CSMD2: variants seen among roughly 807,000 people sequenced by gnomAD.
CSMD2 encodes CUB and sushi domain-containing protein 2.
A neutral mutation model predicts 398.5 loss-of-function variants in CSMD2; 130 were observed. That is an observed-to-expected ratio of 0.33 (90% CI 0.28 to 0.38). CSMD2 has a LOEUF of 0.38. Among genes scored for constraint, CSMD2 ranks in the 10% least tolerant of loss-of-function variants. The pLI is 1.00. For missense variants in CSMD2, 3,829 were observed against 4,764.9 expected (o/e 0.80, Z 5.78); for synonymous variants, 1,828 against 1,908.5 (o/e 0.96, Z 1.10).
intron 1 of CSMD2, among the ~76,000 whole-genome samples, chr1:34,140,978 C>A (rs1157263751): frequency 6.6e-6 from 1 of 152,118 alleles, no homozygotes; most frequent in African/African-American, 2.4e-5. Context: ...CACACACACA[C>A]AAGGAACACT....
chr1:33,714,321 G>A (rs539893646), intron 21 of CSMD2, among the ~76,000 whole-genome samples: 2 of 152,350 alleles, frequency 1.3e-5, no homozygotes, highest in East Asian at 3.9e-4. Context: ...TCATGTGAGT[G>A]CCCACTGTGG....
At chr1:33,698,683 A>G (rs1364501040) in intron 24 of CSMD2, 70 bp downstream of exon 24, 1 of 1,431,182 alleles carries the variant, frequency 7.0e-7, no homozygotes, top group South Asian at 1.4e-5. Context: ...TCTAACTGGA[A>G]TGAGACCAGG....
At chr1:34,013,494 C>G (rs939349281) in intron 3 of CSMD2, among the ~76,000 whole-genome samples, 6 of 152,184 alleles carry the variant, frequency 3.9e-5, no homozygotes, top group African/African-American at 1.4e-4. Context: ...GAGCTGGGCA[C>G]CTGCTTCAGG....
chr1:34,102,858 G>A (rs1210820082), intron 1 of CSMD2, among the ~76,000 whole-genome samples: 1 of 152,134 alleles, frequency 6.6e-6, no homozygotes, highest in Non-Finnish European at 1.5e-5. Flanking sequence ...CCTGGTGCCT[G>A]CTTTATTTGT....
intron 5 of CSMD2, chr1:33,864,819 A>G: frequency 7.3e-7 from 1 of 1,362,384 alleles, no homozygotes. Flanking sequence ...CATGTGTGGC[A>G]TTAGAGTAGC....
chr1:33,536,956 T>A (rs1655854714), intron 62 of CSMD2, 66 bp downstream of exon 62: 1 of 1,504,516 alleles, frequency 6.6e-7, no homozygotes, highest in Admixed American at 1.7e-5. Flanking sequence ...CTCTGGGTCC[T>A]CTTATGTTGA....
At chr1:34,094,574 A>C (rs369002459) in intron 1 of CSMD2, among the ~76,000 whole-genome samples, 1 of 151,982 alleles carries the variant, frequency 6.6e-6, no homozygotes, top group Non-Finnish European at 1.5e-5. Context: ...ATCTACCAAG[A>C]AAATGGAAAA....
intron 14 of CSMD2, among the ~76,000 whole-genome samples, chr1:33,742,174 G>T (rs1647090271): frequency 6.6e-6 from 1 of 152,236 alleles, no homozygotes; most frequent in Non-Finnish European, 1.5e-5. Flanking sequence ...TGAGAAGGTT[G>T]ATTGTGTCCT....
intron 13 of CSMD2, among the ~76,000 whole-genome samples, chr1:33,760,276 G>T (rs1649655937): frequency 6.6e-6 from 1 of 152,302 alleles, no homozygotes; most frequent in South Asian, 2.1e-4. Context: ...CTTTCCCAAG[G>T]CCAGGCTCTG....
chr1:33,690,929 CA>C (rs1388957813), intron 25 of CSMD2, among the ~76,000 whole-genome samples: 6 of 152,146 alleles, frequency 3.9e-5, no homozygotes, highest in Admixed American at 1.3e-4. Flanking sequence ...ATATATGCAA[CA>C]GGTAATGGAA....
In CSMD2 at chr1:33,822,876, C is replaced by T. The variant is rs545087859; in HGVS notation, c.1112-2320G>A. 9.4e-4 allele frequency among the ~76,000 whole-genome samples: 143 copies of T among 152,334 alleles called. 1 individual carries two copies. Among genetic ancestry groups the T allele is most frequent in the Middle Eastern group, 6.8e-3 (2 of 294 alleles). On this transcript the variant is annotated intron_variant, in intron 7 of 70. Transcript: ENST00000373381. ...TGCAGACTTCCCAGCTAAGCACCCA[C>T]CTTCTTTAGATTCTGTCTAGTCAAC... is the stretch of plus-strand genomic sequence containing the variant.
Position 33,995,131 on chromosome 1 carries a change from G to A in CSMD2, c.517+37463C>T, listed in dbSNP as rs553338376. The stretch of plus-strand genomic sequence containing the variant: ...AGCTCTCATCAGTCCTGAACCCAAT[G>A]GGTTCTTTGCAAATGTTTCCAGTGA... On this transcript the variant is annotated intron_variant, in intron 3 of 70. Transcript: ENST00000373381. Among the ~76,000 whole-genome samples the A allele has an allele frequency of 3.3e-5, 5 of 152,048 alleles. No homozygotes were observed. The South Asian group carries it at 6.2e-4, about 19-fold the overall frequency.
chr1:33,713,488 A>G (rs1338303529), intron 21 of CSMD2, among the ~76,000 whole-genome samples: 1 of 152,206 alleles, frequency 6.6e-6, no homozygotes, highest in South Asian at 2.1e-4. Context: ...CCAGCCCTAC[A>G]TTATAAGGAT....
chr1:34,032,668 G>T lies in CSMD2; in HGVS notation c.443C>A (p.Ala148Glu), dbSNP rs139751853. The T allele has an allele frequency of 3.7e-6, 6 of 1,600,762 alleles. No homozygotes were observed. The African/African-American group carries it at 5.4e-5, about 14-fold the overall frequency. ...GAGGCGCAGAGAGAGGGTGGTGGCT[G>T]CACTAACAATGGTGGCTGGCAGCTG... ...GFQLPATIVS[A>E]ATTLSLRLIS... The change falls in exon 3 of 71, where the codon GCA (alanine) becomes GAA (glutamate). Residue 148 changes from alanine to glutamate, a missense_variant. Around this residue, in one of 5 missense-constraint regions of CSMD2, gnomAD observed 184 missense variants for 217.7 expected, o/e 0.85. Coordinates refer to ENST00000373381, the MANE Select transcript of CSMD2 (RefSeq NM_001281956.2).
rs769378161 is a variant in CSMD2, at chr1:33,652,506, G to A, written c.4448-45C>T. The A allele has an allele frequency of 5.6e-6, 9 of 1,604,752 alleles. No homozygotes were observed. The African/African-American group carries it at 1.1e-4, about 19-fold the overall frequency. Reference sequence around the variant, plus strand: ...AGGGTGAGGCTGCCTCTTCACCCTGGGCTCATTTTCATGGGTGTTGCTAAT... The same window carrying A: ...AGGGTGAGGCTGCCTCTTCACCCTGAGCTCATTTTCATGGGTGTTGCTAAT... On this transcript the variant is annotated intron_variant, in intron 27 of 70. Transcript: ENST00000373381.
At chr1:33,862,985 A>T (rs1402116119) in intron 5 of CSMD2, 2 of 152,210 alleles carry the variant, frequency 1.3e-5, no homozygotes, top group Non-Finnish European at 2.9e-5. Context: ...CTGGACCCTC[A>T]GTGCCCTGGC....
intron 64 of CSMD2, among the ~76,000 whole-genome samples, chr1:33,531,039 T>C (rs1655186800): frequency 6.6e-6 from 1 of 152,192 alleles, no homozygotes; most frequent in African/African-American, 2.4e-5. Flanking sequence ...CTCTTGTACA[T>C]CATGGTGACC....
chr1:33,672,421 G>A (rs954706521), intron 25 of CSMD2, among the ~76,000 whole-genome samples: 2 of 152,332 alleles, frequency 1.3e-5, no homozygotes, highest in Admixed American at 6.5e-5. Context: ...GGGGAGGGGC[G>A]CCTGCCATTG....
At chr1:33,885,936 CAAAG>C (rs1641561593) in intron 5 of CSMD2, among the ~76,000 whole-genome samples, 1 of 151,872 alleles carries the variant, frequency 6.6e-6, no homozygotes, top group African/African-American at 2.4e-5. Flanking sequence ...CCTCATGTGT[CAAAG>C]GGGAATGAAA....
Sources: allele counts gnomAD v4.1 joint callset (sites outside exome capture counted in the v4.1 genomes callset), GRCh38; gene constraint gnomAD v4.1.1; regional missense constraint gnomAD v4.1.1; transcripts MANE v1.5; gene names NCBI Gene and HGNC (gene_info 2026-07-23, HGNC 2026-07-21).